The following EIF2AK3 variants were observed in gnomAD, a reference collection of about 807,000 sequenced individuals.
The protein encoded by EIF2AK3 is eukaryotic translation initiation factor 2 alpha kinase 3.
EIF2AK3 carries 50 observed loss-of-function variants against 113.5 expected under a neutral mutation model. The ratio of observed to expected loss-of-function variants is 0.44; its 90% CI spans 0.35 to 0.56. EIF2AK3 has a LOEUF of 0.56. Among genes scored for constraint, EIF2AK3 ranks in the 20% least tolerant of loss-of-function variants. EIF2AK3 has a pLI of 0.00. For missense variants in EIF2AK3, 1,185 were observed against 1,378.0 expected (o/e 0.86, Z 2.22); for synonymous variants, 448 against 495.4 (o/e 0.90, Z 1.27).
chr2:88,595,559 A>C lies in EIF2AK3; in HGVS notation c.543T>G (p.Leu181=), dbSNP rs1342622158. The C allele has an allele frequency of 6.2e-7, 1 of 1,614,064 alleles. No homozygotes were observed. Among genetic ancestry groups the C allele is most frequent in the Non-Finnish European group, 8.5e-7 (1 of 1,179,972 alleles). Residue 181 remains leucine, a synonymous_variant, in exon 3 of 17, where the codon CTT becomes CTG. Coordinates refer to ENST00000303236, the MANE Select transcript of EIF2AK3 (RefSeq NM_004836.7). Reference sequence around the variant, plus strand: ...CTCCAAATTTATAAGAAGATTCAAGAAGTGATTCAACTGTGAAAGGAACTG... The same window carrying C: ...CTCCAAATTTATAAGAAGATTCAAGCAGTGATTCAACTGTGAAAGGAACTG... ...METVPFTVES[L]LESSYKFGDD... is the part of the protein sequence containing the mutation.
Position 88,627,299 on chromosome 2 carries a change from A to T in EIF2AK3, c.-25T>A. 1 of 1,476,260 alleles carries T rather than the reference A, an allele frequency of 6.8e-7. No individual in the cohort carries two copies. Among genetic ancestry groups the T allele is most frequent in the Non-Finnish European group, 8.9e-7 (1 of 1,117,596 alleles). The allele number at this position is 1,476,260 out of a possible 1,614,324, so 91.4% of individuals were successfully genotyped here. On this transcript the variant is annotated 5_prime_UTR_variant, in exon 1 of 17. It removes an upstream start codon present in the reference 5' UTR. Coordinates refer to ENST00000303236, the MANE Select transcript of EIF2AK3 (RefSeq NM_004836.7). ...TCAGCGTCCCGCCCCGCGCGCAGGC[A>T]TGGAGGCGCAGCCACTGACGCCTGC... is the stretch of plus-strand genomic sequence containing the variant.
intron 10 of EIF2AK3, among the ~76,000 whole-genome samples, chr2:88,583,013 A>G (rs1314064092): frequency 1.3e-5 from 2 of 152,150 alleles, no homozygotes; most frequent in African/African-American, 2.4e-5. Flanking sequence ...TTTAAAAACT[A>G]TCTGTTCTAT....
intron 2 of EIF2AK3, among the ~76,000 whole-genome samples, chr2:88,606,490 T>G (rs1675282777): frequency 6.6e-6 from 1 of 152,300 alleles, no homozygotes; most frequent in Admixed American, 6.5e-5. Flanking sequence ...ACCCAGGCAA[T>G]TATTTAAATA....
intron 2 of EIF2AK3, among the ~76,000 whole-genome samples, chr2:88,606,858 C>G (rs1675291942): frequency 6.6e-6 from 1 of 152,080 alleles, no homozygotes; most frequent in African/African-American, 2.4e-5. Context: ...CTGTCTGAAA[C>G]AGAAAGGCGG....
At chr2:88,577,621 C>T (rs1446747085) in intron 11 of EIF2AK3, among the ~76,000 whole-genome samples, 3 of 152,082 alleles carry the variant, frequency 2.0e-5, no homozygotes, top group African/African-American at 7.2e-5. Context: ...TCAAATGATC[C>T]ACCCGCCTAG....
At chr2:88,587,538 A>G (rs1674767783) in intron 8 of EIF2AK3, among the ~76,000 whole-genome samples, 1 of 152,214 alleles carries the variant, frequency 6.6e-6, no homozygotes, top group African/African-American at 2.4e-5. Flanking sequence ...CATCATTTTC[A>G]TGTAGTTTTA....
chr2:88,593,986 T>C, intron 3 of EIF2AK3: 5 of 983,164 alleles, frequency 5.1e-6, no homozygotes, highest in Non-Finnish European at 6.0e-6. Flanking sequence ...TCCTGTTGTT[T>C]ACAGATGAGA....
intron 9 of EIF2AK3, among the ~76,000 whole-genome samples, chr2:88,585,311 G>C (rs1458654457): frequency 6.6e-6 from 1 of 151,978 alleles, no homozygotes; most frequent in Non-Finnish European, 1.5e-5. Context: ...GCTAGAACAG[G>C]CTGGGGAGGG....
chr2:88,582,017 A>G (rs1674611673), intron 10 of EIF2AK3, among the ~76,000 whole-genome samples: 1 of 152,138 alleles, frequency 6.6e-6, no homozygotes, highest in Non-Finnish European at 1.5e-5. Context: ...GGATCAAGGG[A>G]TGGAAATGCG....
At chr2:88,572,888 G>C (rs1236513357) in intron 13 of EIF2AK3, among the ~76,000 whole-genome samples, 1 of 152,210 alleles carries the variant, frequency 6.6e-6, no homozygotes. Flanking sequence ...CCAGGTTTCT[G>C]TCAGAACAGT....
chr2:88,613,779 C>T lies in EIF2AK3; in HGVS notation c.383G>A (p.Trp128Ter). Reference protein sequence around the residue: ...LDPENHGKKQWDLDVGSGSLV... With the variant: ...LDPENHGKKQ ...GGAACCGGATCCCACATCCAAATCCCACTGCTTTTTACCATGATTTTCAGG... is the reference window on the plus strand; with the variant it reads ...GGAACCGGATCCCACATCCAAATCCTACTGCTTTTTACCATGATTTTCAGG... The change falls in exon 2 of 17, where the codon TGG (tryptophan) becomes TAG (stop). Residue 128 changes from tryptophan to a stop codon, truncating the protein, a stop_gained. Coordinates refer to ENST00000303236, the MANE Select transcript of EIF2AK3 (RefSeq NM_004836.7). LOFTEE classifies it high-confidence loss of function. 2.5e-6 allele frequency: 4 copies of T among 1,614,086 alleles called. No homozygotes were observed. Among genetic ancestry groups the T allele is most frequent in the Non-Finnish European group, 3.4e-6 (4 of 1,179,958 alleles).
In EIF2AK3 at chr2:88,627,100, C is replaced by G. The variant is rs1407082315; in HGVS notation, c.175G>C (p.Val59Leu). Residue 59 changes from valine (V) to leucine (L), a missense_variant, in exon 1 of 17, where the codon GTA (valine) becomes CTA (leucine). By Grantham distance (32) the Val-to-Leu change is conservative (BLOSUM62 1). Coordinates refer to ENST00000303236, the MANE Select transcript of EIF2AK3 (RefSeq NM_004836.7). Reference sequence around the variant, plus strand: ...GCAGCCACGGCGCCCGCCGCCGGTACTCGCGTCGCTGAGGTGGGAGCAGCG... The same window carrying G: ...GCAGCCACGGCGCCCGCCGCCGGTAGTCGCGTCGCTGAGGTGGGAGCAGCG... ...AAAAPTSATR[V>L]PAAGAVAAAE... is the part of the protein sequence containing the mutation. The G allele has an allele frequency of 6.5e-7, 1 of 1,542,606 alleles. No individual in the cohort carries two copies. Among genetic ancestry groups the G allele is most frequent in the South Asian group, 1.2e-5 (1 of 84,888 alleles).
At chr2:88,577,251 G>A (rs552386336) in intron 11 of EIF2AK3, among the ~76,000 whole-genome samples, 4 of 152,132 alleles carry the variant, frequency 2.6e-5, no homozygotes, top group African/African-American at 9.6e-5. Flanking sequence ...CCAAAGTGCT[G>A]GGATTACAAG....
Position 88,602,152 on chromosome 2 carries a change from A to G in EIF2AK3, c.439-6489T>C, listed in dbSNP as rs192254214. 1.9e-3 allele frequency among the ~76,000 whole-genome samples: 288 copies of G among 152,184 alleles called. 2 individuals carry two copies. Among genetic ancestry groups the G allele is most frequent in the Non-Finnish European group, 2.6e-3 (178 of 68,004 alleles). On this transcript the variant is annotated intron_variant, in intron 2 of 16. Coordinates refer to ENST00000303236, the MANE Select transcript of EIF2AK3 (RefSeq NM_004836.7). ...AGGCGTGAGCCACTACTCCCGGCCTAGTTAGGATTTTTCTATAAAGAACTT... is the reference window on the plus strand; with the variant it reads ...AGGCGTGAGCCACTACTCCCGGCCTGGTTAGGATTTTTCTATAAAGAACTT...
At chr2:88,612,339 A>G (rs550474461) in intron 2 of EIF2AK3, among the ~76,000 whole-genome samples, 132 of 152,328 alleles carry the variant, frequency 8.7e-4, no homozygotes, top group African/African-American at 3.1e-3. Flanking sequence ...TCTTATGTCT[A>G]GTTTAAAAAT....
At chr2:88,589,745 A>G (rs1451762639) in intron 6 of EIF2AK3, among the ~76,000 whole-genome samples, 3 of 151,754 alleles carry the variant, frequency 2.0e-5, no homozygotes, top group Non-Finnish European at 2.9e-5. Context: ...GTGCAGTGAC[A>G]TGATTATAGT....
Position 88,572,497 on chromosome 2 carries a change from G to A in EIF2AK3, c.2818-1456C>T, listed in dbSNP as rs148604287. ...GGATGGGTAGGTGTCCTTGGTTTAA[G>A]TAGAATAAAATTTCTGATAGTGGGA... On this transcript the variant is annotated intron_variant, in intron 13 of 16. Coordinates refer to ENST00000303236, the MANE Select transcript of EIF2AK3 (RefSeq NM_004836.7). Among the ~76,000 whole-genome samples, 359 of 152,262 alleles carry A rather than the reference G, an allele frequency of 2.4e-3. 1 individual carries two copies. Among genetic ancestry groups the A allele is most frequent in the African/African-American group, 8.1e-3 (338 of 41,542 alleles).
intron 14 of EIF2AK3, among the ~76,000 whole-genome samples, chr2:88,566,820 G>A (rs758932622): frequency 6.6e-6 from 1 of 152,124 alleles, no homozygotes; most frequent in Admixed American, 6.5e-5. Context: ...TGGCGGTGTG[G>A]ACCTGTAATC....
intron 2 of EIF2AK3, among the ~76,000 whole-genome samples, chr2:88,598,980 C>G (rs374833605): frequency 9.2e-4 from 139 of 150,900 alleles, no homozygotes; most frequent in African/African-American, 3.3e-3. Context: ...ATAAAGCAGG[C>G]AACCAGGTTG....
Sources: gnomAD v4.1 joint callset for allele counts (sites outside exome capture counted in the v4.1 genomes callset) on GRCh38, gnomAD v4.1.1 for gene constraint, MANE v1.5 for transcripts, NCBI Gene and HGNC (gene_info 2026-07-23, HGNC 2026-07-21) for gene names.